Variants in PAPLN observed in about 807,000 individuals in gnomAD.
PAPLN encodes the protein papilin.
In PAPLN, 146 loss-of-function variants were observed where a neutral mutation model predicts 159.0. The observed-to-expected ratio is 0.92, with a 90% CI of 0.80 to 1.05. The LOEUF (loss-of-function observed/expected upper bound fraction) is 1.05, where lower values mean the gene tolerates loss of function less well. Ranked by LOEUF, PAPLN falls within the 50% of genes least tolerant of loss-of-function variation. The pLI, the probability that PAPLN is intolerant of heterozygous loss-of-function variation, is 0.00. For synonymous variants in PAPLN, 734 were observed against 702.9 expected, an observed-to-expected ratio of 1.04 and a Z score of -0.70; for missense variants, 1,720 against 1,743.9, an observed-to-expected ratio of 0.99 and a Z score of 0.24.
chr14:73,245,709 G>C lies in PAPLN; in HGVS notation c.231+13G>C, dbSNP rs774630106. On this transcript the variant is annotated intron_variant, in intron 4 of 26. Coordinates refer to ENST00000644200, the MANE Select transcript of PAPLN (RefSeq NM_001365906.3). The surrounding 1 kb of genome is among the most constrained non-coding windows in gnomAD (Gnocchi z 4.2). ...TTGTCGCACGGAGGTAAAGCTCACG[G>C]GGCGCGGGCGAAGGCACCAGCTTCC... 6.5e-7 allele frequency: 1 copy of C among 1,541,826 alleles called. No homozygotes were observed.
chr14:73,244,781 C>T (rs925460922), intron 3 of PAPLN, 22 bp downstream of exon 3: 9 of 1,501,758 alleles, frequency 6.0e-6, no homozygotes, highest in Non-Finnish European at 7.2e-6. Flanking sequence ...GAAAATGGGC[C>T]AGCTTGTTAA....
chr14:73,260,646 T>TCCTGGGATGCAGGGAGCGTGGGGGCAGG (rs1886464368), intron 16 of PAPLN, 63 bp from the exon 17 acceptor site: 4 of 1,376,434 alleles, frequency 2.9e-6, no homozygotes, highest in Non-Finnish European at 3.8e-6. Flanking sequence ...AGAGCCTGGG[T>TCCTGGGATGCAGGGAGCGTGGGGGCAGG]CCTGGGATGC....
rs542728369 is a variant in PAPLN, at chr14:73,245,139, T to G, written c.170+380T>G. 1.4e-4 allele frequency: 30 copies of G among 211,810 alleles called. 1 individual carries two copies. The East Asian group carries it at 3.9e-3, about 28-fold the overall frequency. 13.1% of individuals were successfully genotyped at this position (211,810 alleles called of 1,614,324 possible). The stretch of plus-strand genomic sequence containing the variant: ...CCACTTCAAGCGATTTATTAAATGC[T>G]TGCTGTGTGTGCTGCACTCCGGCAG... On this transcript the variant is annotated intron_variant, in intron 3 of 26. Transcript: ENST00000644200. The surrounding 1 kb of genome is among the most constrained non-coding windows in gnomAD (Gnocchi z 4.2).
rs573930986 is a variant in PAPLN at position 73,254,699 on chromosome 14, A to C, written c.1485+4A>C. ...GCATGTTGGCACCTGGGGTCTAGTG[A>C]GTGCTCTCCACCCCCACACCTGCTG... On this transcript the variant is annotated splice_donor_region_variant and intron_variant, in intron 13 of 26. Coordinates refer to ENST00000644200, the MANE Select transcript of PAPLN (RefSeq NM_001365906.3). 4.3e-6 allele frequency: 7 copies of C among 1,612,396 alleles called. No individual in the cohort carries two copies. The African/African-American group carries it at 6.7e-5, about 15-fold the overall frequency.
chr14:73,262,114 C>CTCTA lies in PAPLN; in HGVS notation c.2246-235_2246-232dup, dbSNP rs376321688. 464 of 492,146 alleles carry CTCTA rather than the reference C, an allele frequency of 9.4e-4. 3 individuals are homozygous for CTCTA. The highest frequency in any genetic ancestry group is 8.4e-3 in the African/African-American group (428 of 51,076). The allele number at this position is 492,146 out of a possible 1,614,324, so 30.5% of individuals were successfully genotyped here. A position where few individuals can be genotyped will look rare whatever the true frequency, so the allele number is the denominator to read the frequency against. On this transcript the variant is annotated intron_variant, in intron 18 of 26. Coordinates refer to ENST00000644200, the MANE Select transcript of PAPLN (RefSeq NM_001365906.3). ...AGCCCTGGCCCTGACCTCCCAGAGGCTCTAGCTCTGTGGGTGAAGGCTGCT... is the reference window on the plus strand; with the variant it reads ...AGCCCTGGCCCTGACCTCCCAGAGGCTCTATCTAGCTCTGTGGGTGAAGGCTGCT...
In PAPLN at chr14:73,250,938, C is replaced by G. The variant is rs199904190; in HGVS notation, c.497C>G (p.Ser166Cys). ...GGCTGTGATCACGAGCTGGACTCGT[C>G]CAAGCAGGAGGACAAGTGTCTGCGG... ...VVGCDHELDSSKQEDKCLRCG... is the reference protein window; with the variant it reads ...VVGCDHELDSCKQEDKCLRCG... Residue 166 changes from serine to cysteine, a missense_variant, in exon 7 of 27, where the codon TCC becomes TGC. Coordinates refer to ENST00000644200, the MANE Select transcript of PAPLN (RefSeq NM_001365906.3). The G allele has an allele frequency of 1.9e-6, 3 of 1,613,722 alleles. No homozygotes were observed. The South Asian group carries it at 3.3e-5, about 18-fold the overall frequency.
chr14:73,258,040 CG>C (rs1886127416), intron 14 of PAPLN, among the ~76,000 whole-genome samples: 1 of 152,152 alleles, frequency 6.6e-6, no homozygotes, highest in African/African-American at 2.4e-5. Context: ...GCTGGGATTG[CG>C]GGCGGGAGCC....
At chr14:73,252,814 A>G in intron 11 of PAPLN, 39 bp downstream of exon 11, 1 of 1,610,326 alleles carries the variant, frequency 6.2e-7, no homozygotes, top group Non-Finnish European at 8.5e-7. Context: ...GATGAGGCCC[A>G]AGAACTTGGG....
chr14:73,253,210 CGAGT>C, intron 11 of PAPLN: 1 of 1,359,522 alleles, frequency 7.4e-7, no homozygotes, highest in Non-Finnish European at 9.7e-7. Flanking sequence ...TGGGGCCCAG[CGAGT>C]GTGTGGGAAC....
At chr14:73,262,959 C>T (rs981328156) in intron 19 of PAPLN, 132 bp downstream of exon 19, 7 of 839,018 alleles carry the variant, frequency 8.3e-6, no homozygotes, top group African/African-American at 1.8e-5. Context: ...AGAGCCCTGC[C>T]TGGTGGGCCT....
chr14:73,265,504 C>T lies in PAPLN; in HGVS notation c.3260C>T (p.Pro1087Leu). The T allele has an allele frequency of 6.2e-7, 1 of 1,613,688 alleles. No individual in the cohort carries two copies. The highest frequency in any genetic ancestry group is 8.5e-7 in the Non-Finnish European group (1 of 1,179,866). The part of the protein sequence containing the change: ...WQRDGQPVSS[P>L]RHQLQPDGSL... Reference sequence around the variant, plus strand: ...AGAGATGGGCAGCCTGTCTCTTCTCCCAGGTTTATTTGACTCCTCTCCCCT... The same window carrying T: ...AGAGATGGGCAGCCTGTCTCTTCTCTCAGGTTTATTTGACTCCTCTCCCCT... The change falls in exon 23 of 27, where the codon CCC (proline) becomes CTC (leucine). Residue 1087 changes from proline to leucine, a missense_variant. Pro to Leu is a moderately conservative substitution (Grantham distance 98). Transcript: ENST00000644200. The surrounding 1 kb of genome is among the most constrained non-coding windows in gnomAD (Gnocchi z 4.1).
rs1012920966 is a variant in PAPLN, at chr14:73,260,798, G to A, written c.2075G>A (p.Gly692Asp). 2.0e-6 allele frequency: 3 copies of A among 1,493,882 alleles called. No homozygotes were observed. Among genetic ancestry groups the A allele is most frequent in the Non-Finnish European group, 1.8e-6 (2 of 1,124,274 alleles). 92.5% of individuals were successfully genotyped at this position (1,493,882 alleles called of 1,614,324 possible). A position where few individuals can be genotyped will look rare whatever the true frequency, so the allele number is the denominator to read the frequency against. The change falls in exon 17 of 27, where the codon GGC becomes GAC. Residue 692 changes from glycine to aspartate, a missense_variant. Transcript: ENST00000644200. ...TCGTATGGTGGTGACAGCACCGGGG[G>A]CATGCCCAGGTCAAGGGCAGTGGCT... ...TKSYGGDSTG[G>D]MPRSRAVAST...
chr14:73,261,267 G>A lies in PAPLN; in HGVS notation c.2218G>A (p.Glu740Lys), dbSNP rs1180550936. ...NVATAAGPLG[E>K]GCVGQPSHAY... ...GGCCACTGCAGCCGGTCCTCTTGGG[G>A]AAGGCTGTGTGGGCCAGCCCAGCCA... The change falls in exon 18 of 27, where the codon GAA becomes AAA. Residue 740 changes from glutamate to lysine, a missense_variant. Physicochemically the swap from Glu to Lys is moderately conservative, Grantham distance 56. Transcript: ENST00000644200. The A allele has an allele frequency of 1.9e-6, 3 of 1,613,766 alleles. No individual in the cohort carries two copies. The highest frequency in any genetic ancestry group is 1.7e-5 in the Admixed American group (1 of 60,010).
intron 11 of PAPLN, 137 bp downstream of exon 11, chr14:73,252,912 G>A: frequency 7.0e-7 from 1 of 1,422,820 alleles, no homozygotes; most frequent in African/African-American, 1.4e-5. Flanking sequence ...CTGGGGTGTG[G>A]GAGAGGTGGC....
intron 26 of PAPLN, among the ~76,000 whole-genome samples, chr14:73,271,103 G>A (rs1887676826): frequency 6.6e-6 from 1 of 152,200 alleles, no homozygotes; most frequent in African/African-American, 2.4e-5. Flanking sequence ...TTACCCAGCT[G>A]GCAAGTGGCA....
chr14:73,236,243 GT>G (rs1173115315), upstream of PAPLN, among the ~76,000 whole-genome samples: 1 of 152,260 alleles, frequency 6.6e-6, no homozygotes, highest in African/African-American at 2.4e-5. Flanking sequence ...GATCACATGC[GT>G]TGAGCCCCTG....
At chr14:73,239,917 A>T in intron 2 of PAPLN, 85 bp downstream of exon 2, 1 of 1,470,672 alleles carries the variant, frequency 6.8e-7, no homozygotes, top group East Asian at 2.6e-5. Context: ...CAACGTCCCC[A>T]GGAAAGGGGC....
Position 73,245,642 on chromosome 14 carries a change from T to C in PAPLN, c.177T>C (p.Asp59=). 1.9e-6 allele frequency: 3 copies of C among 1,560,088 alleles called. No individual in the cohort carries two copies. The highest frequency in any genetic ancestry group is 2.4e-5 in the East Asian group (1 of 42,044). The change falls in exon 4 of 27, where the codon GAT becomes GAC. Residue 59 remains aspartate (D), a synonymous_variant. Coordinates refer to ENST00000644200, the MANE Select transcript of PAPLN (RefSeq NM_001365906.3). This position sits in a 1 kb window ranked among gnomAD's most constrained non-coding sequence, Gnocchi z 4.2. The stretch of plus-strand genomic sequence containing the variant: ...CGGTGCTCTGGTCCCGCAGGAGAGA[T>C]GGAGGCTCCAGCTGCGTGGGCCCCG... ...RERPCYSQRR[D]GGSSCVGPAR... is the part of the protein sequence containing the mutation.
chr14:73,238,564 T>C (rs566751995), intron 1 of PAPLN, among the ~76,000 whole-genome samples: 26 of 152,242 alleles, frequency 1.7e-4, no homozygotes, highest in Non-Finnish European at 3.5e-4. Context: ...ACCCGTCTTT[T>C]CCTCAGCCTC....
Sources: gnomAD v4.1 joint callset for allele counts (sites outside exome capture counted in the v4.1 genomes callset) on GRCh38, gnomAD v4.1.1 for gene constraint, Gnocchi (gnomAD v3.1) non-coding constraint, MANE v1.5 for transcripts, NCBI Gene and HGNC (gene_info 2026-07-23, HGNC 2026-07-21) for gene names.